Variants in SNX24 observed in about 807,000 individuals in gnomAD.
SNX24 encodes the protein sorting nexin-24.
A neutral mutation model predicts 28.7 loss-of-function variants in SNX24; 22 were observed. The observed-to-expected ratio is 0.77, with a 90% confidence interval of 0.55 to 1.10. The LOEUF (loss-of-function observed/expected upper bound fraction) is 1.10, where lower values mean the gene tolerates loss of function less well. Ranked by LOEUF, SNX24 falls within the 50% of genes least tolerant of loss-of-function variation. The probability of loss-of-function intolerance (pLI) is 0.00; values close to 1 mark genes in which losing one functional copy is unlikely to be tolerated. For synonymous variants in SNX24, 69 were observed against 71.5 expected (o/e 0.96, Z 0.18); for missense variants, 221 against 201.1 (o/e 1.10, Z -0.60).
chr5:122,875,382 A>G (rs1304052082), intron 1 of SNX24, among the ~76,000 whole-genome samples: 1 of 152,244 alleles, frequency 6.6e-6, no homozygotes, highest in Non-Finnish European at 1.5e-5. Flanking sequence ...GTGTCTATGG[A>G]TAGCCCATAC....
intron 6 of SNX24, among the ~76,000 whole-genome samples, chr5:123,006,105 G>A (rs1056765709): frequency 1.3e-5 from 2 of 152,318 alleles, no homozygotes; most frequent in African/African-American, 4.8e-5. Context: ...GGTCACACAG[G>A]TATTAAGTGG....
At chr5:122,942,958 A>G (rs986203006) in intron 2 of SNX24, among the ~76,000 whole-genome samples, 9 of 152,306 alleles carry the variant, frequency 5.9e-5, no homozygotes, top group African/African-American at 1.9e-4. Flanking sequence ...ATTTTTTTTA[A>G]AAGGAGAGAC....
intron 1 of SNX24, among the ~76,000 whole-genome samples, chr5:122,885,716 G>C (rs1260810988): frequency 6.6e-6 from 1 of 152,112 alleles, no homozygotes; most frequent in Non-Finnish European, 1.5e-5. Flanking sequence ...AGTGGATTTG[G>C]AATAAGGATG....
intron 3 of SNX24, among the ~76,000 whole-genome samples, chr5:122,988,593 C>G (rs1238042664): frequency 6.6e-6 from 1 of 152,098 alleles, no homozygotes; most frequent in African/African-American, 2.4e-5. Context: ...CTAAATTATT[C>G]CCTGTGGCTC....
At chr5:122,893,112 CTT>C (rs1757048556) in intron 1 of SNX24, among the ~76,000 whole-genome samples, 1 of 151,664 alleles carries the variant, frequency 6.6e-6, no homozygotes, top group African/African-American at 2.4e-5. Flanking sequence ...CAAAGAGAAA[CTT>C]CTCTCTTTCC....
intron 5 of SNX24, among the ~76,000 whole-genome samples, chr5:123,028,050 A>G (rs574264307): frequency 2.0e-5 from 3 of 152,344 alleles, no homozygotes; most frequent in Admixed American, 2.0e-4. Flanking sequence ...TTAACTTTAA[A>G]AAAGTATTGG....
At chr5:122,935,836 A>G (rs2150116138) in intron 1 of SNX24, among the ~76,000 whole-genome samples, 1 of 152,300 alleles carries the variant, frequency 6.6e-6, no homozygotes, top group South Asian at 2.1e-4. Flanking sequence ...GGCGATTGAA[A>G]TAGAAAATTA....
intron 3 of SNX24, among the ~76,000 whole-genome samples, chr5:122,996,432 G>A (rs1014195719): frequency 5.9e-5 from 9 of 152,158 alleles, no homozygotes; most frequent in African/African-American, 1.9e-4. Context: ...AATTATAGAT[G>A]TATGTATGTT....
intron 1 of SNX24, among the ~76,000 whole-genome samples, chr5:122,876,051 G>A (rs369133354): frequency 3.9e-5 from 6 of 152,274 alleles, no homozygotes; most frequent in African/African-American, 1.4e-4. Flanking sequence ...TGCCATGTTG[G>A]CCAGGCTGGT....
chr5:122,910,431 G>T (rs888953502), intron 1 of SNX24, among the ~76,000 whole-genome samples: 2 of 152,042 alleles, frequency 1.3e-5, no homozygotes, highest in African/African-American at 4.8e-5. Context: ...CTCCTCCAAG[G>T]CCCAGCCTGA....
chr5:123,016,501 G>T (rs1164928040), intron 5 of SNX24, among the ~76,000 whole-genome samples: 1 of 152,138 alleles, frequency 6.6e-6, no homozygotes. Context: ...GTATATAATG[G>T]CTCACACTTT....
intron 1 of SNX24, among the ~76,000 whole-genome samples, chr5:122,936,193 A>AT (rs1335113445): frequency 7.9e-5 from 12 of 152,234 alleles, no homozygotes; most frequent in South Asian, 2.1e-4. Context: ...CCTTTACTAC[A>AT]TTTTGCCTGT....
intron 3 of SNX24, among the ~76,000 whole-genome samples, chr5:122,992,528 G>T (rs187422661): frequency 6.6e-6 from 1 of 152,054 alleles, no homozygotes; most frequent in African/African-American, 2.4e-5. Context: ...GAACAAGCTG[G>T]AATATCCTAC....
At chr5:123,010,019 C>G (rs1762540657), downstream of SNX24, among the ~76,000 whole-genome samples, 1 of 152,210 alleles carries the variant, frequency 6.6e-6, no homozygotes, top group South Asian at 2.1e-4. Flanking sequence ...ATGGCGATCT[C>G]TCTATGAGGT....
chr5:123,026,641 C>G (rs780533359), intron 5 of SNX24, among the ~76,000 whole-genome samples: 1 of 152,174 alleles, frequency 6.6e-6, no homozygotes, highest in Non-Finnish European at 1.5e-5. Flanking sequence ...TTGGTCACAG[C>G]AACTTCAGGA....
chr5:122,927,435 T>C (rs902380725), intron 1 of SNX24, among the ~76,000 whole-genome samples: 2 of 152,356 alleles, frequency 1.3e-5, no homozygotes, highest in East Asian at 1.9e-4. Flanking sequence ...AAATTTGTGC[T>C]GAGTTTTAAA....
intron 3 of SNX24, among the ~76,000 whole-genome samples, chr5:122,962,470 A>C (rs1760524152): frequency 6.6e-6 from 1 of 152,222 alleles, no homozygotes; most frequent in Non-Finnish European, 1.5e-5. Context: ...TAAATTTCTG[A>C]AACCATCTAT....
chr5:123,021,985 A>G (rs1223397241), intron 5 of SNX24, among the ~76,000 whole-genome samples: 1 of 152,134 alleles, frequency 6.6e-6, no homozygotes, highest in South Asian at 2.1e-4. Flanking sequence ...GAGGGGCCCA[A>G]GAGGCCTTCC....
intron 5 of SNX24, among the ~76,000 whole-genome samples, chr5:123,026,612 G>A (rs1423050172): frequency 6.6e-6 from 1 of 152,218 alleles, no homozygotes; most frequent in Non-Finnish European, 1.5e-5. Flanking sequence ...AAGAGCAATA[G>A]CAGCTGATCT....
Sources: gnomAD v4.1 joint callset for allele counts (sites outside exome capture counted in the v4.1 genomes callset) on GRCh38, gnomAD v4.1.1 for gene constraint, MANE v1.5 for transcripts, NCBI Gene and HGNC (gene_info 2026-07-23, HGNC 2026-07-21) for gene names.